EPHA5: variants seen among roughly 807,000 people sequenced by gnomAD.
EPHA5 encodes ephrin type-A receptor 5.
A neutral mutation model predicts 105.0 loss-of-function variants in EPHA5; 60 were observed. That is an observed-to-expected ratio of 0.57 (90% CI 0.46 to 0.71). The LOEUF (loss-of-function observed/expected upper bound fraction) is 0.71. Ranked by LOEUF, EPHA5 falls within the 30% of genes least tolerant of loss-of-function variation. The pLI is 0.00. For missense variants in EPHA5, 1,218 were observed against 1,274.7 expected, an observed-to-expected ratio of 0.96 and a Z score of 0.68; for synonymous variants, 513 against 449.1, an observed-to-expected ratio of 1.14 and a Z score of -1.80.
At chr4:65,543,879 T>C (rs1214370129) in intron 3 of EPHA5, among the ~76,000 whole-genome samples, 1 of 151,940 alleles carries the variant, frequency 6.6e-6, no homozygotes, top group Admixed American at 6.6e-5. Flanking sequence ...AACAGATATA[T>C]AGACTAGTGG....
At chr4:65,638,609 C>T (rs1289931647) in intron 2 of EPHA5, among the ~76,000 whole-genome samples, 1 of 152,078 alleles carries the variant, frequency 6.6e-6, no homozygotes, top group Non-Finnish European at 1.5e-5. Context: ...TGTGGTGGCA[C>T]ATGCCTGTAA....
At chr4:65,437,727 A>C (rs1725613876) in intron 5 of EPHA5, among the ~76,000 whole-genome samples, 1 of 151,960 alleles carries the variant, frequency 6.6e-6, no homozygotes, top group Non-Finnish European at 1.5e-5. Flanking sequence ...TGTAGTAAAA[A>C]TCAAGAATCC....
intron 3 of EPHA5, chr4:65,573,684 G>A (rs1431171638): frequency 1.9e-6 from 3 of 1,596,166 alleles, no homozygotes; most frequent in Non-Finnish European, 2.6e-6. Flanking sequence ...GTACTCAGCC[G>A]CTAAATCCAA....
intron 3 of EPHA5, 28 bp from the exon 4 acceptor site, chr4:65,495,571 T>C (rs1731847947): frequency 1.3e-6 from 2 of 1,590,762 alleles, no homozygotes; most frequent in Admixed American, 3.6e-5. Flanking sequence ...AGACTAAGCT[T>C]TTCCCTGGAA....
chr4:65,571,918 A>G (rs1221582794), intron 3 of EPHA5, among the ~76,000 whole-genome samples: 1 of 152,074 alleles, frequency 6.6e-6, no homozygotes, highest in African/African-American at 2.4e-5. Context: ...AACCTGTTAT[A>G]TACAGTTATA....
At chr4:65,478,974 C>T (rs1730095859) in intron 5 of EPHA5, among the ~76,000 whole-genome samples, 1 of 152,098 alleles carries the variant, frequency 6.6e-6, no homozygotes, top group Non-Finnish European at 1.5e-5. Context: ...TGGTCCTACA[C>T]ATTATTTTTT....
chr4:65,486,302 G>A (rs1730877484), intron 5 of EPHA5, among the ~76,000 whole-genome samples: 1 of 150,620 alleles, frequency 6.6e-6, no homozygotes, highest in Non-Finnish European at 1.5e-5. Context: ...TATGAAGAGG[G>A]TATTTAAGCC....
At position 65,348,081 on chromosome 4, in the gene EPHA5, T is replaced by A. The variant is rs2148841803; in HGVS notation, c.2568A>T (p.Arg856Ser). Residue 856 changes from arginine (R) to serine (S), a missense_variant, in exon 14 of 17, where the codon AGA becomes AGT. Arg to Ser is a moderately radical substitution (Grantham distance 110). This residue lies in a region of EPHA5 where 971 missense variants were observed against 1,013.5 expected (regional missense o/e 0.96). Transcript: ENST00000613740. ...VMWEVVSYGERPYWEMTNQDV... is the reference protein window; with the variant it reads ...VMWEVVSYGESPYWEMTNQDV... ...CTTGATTGGTCATCTCCCAGTAGGGTCTCTCTCCATAAGACACAACTTCCC... is the reference window on the plus strand; with the variant it reads ...CTTGATTGGTCATCTCCCAGTAGGGACTCTCTCCATAAGACACAACTTCCC... 2 of 1,608,484 alleles carry A rather than the reference T, an allele frequency of 1.2e-6. No homozygotes were observed. The highest frequency in any genetic ancestry group is 8.5e-7 in the Non-Finnish European group (1 of 1,177,508).
At chr4:65,369,811 A>G (rs563124831) in intron 8 of EPHA5, among the ~76,000 whole-genome samples, 1 of 152,184 alleles carries the variant, frequency 6.6e-6, no homozygotes, top group Non-Finnish European at 1.5e-5. Context: ...TACTAAAAAT[A>G]CAAAAATTAG....
intron 5 of EPHA5, among the ~76,000 whole-genome samples, chr4:65,439,896 T>A (rs904506474): frequency 3.9e-5 from 6 of 152,026 alleles, no homozygotes; most frequent in Admixed American, 1.3e-4. Flanking sequence ...CAAAAAAAAA[T>A]TTGTTTGCAT....
intron 8 of EPHA5, 117 bp downstream of exon 8, chr4:65,404,257 T>A: frequency 5.7e-6 from 4 of 701,340 alleles, no homozygotes; most frequent in Non-Finnish European, 9.9e-6. Context: ...ATTGAGATTA[T>A]CTGCTGATAT....
chr4:65,512,744 A>G (rs1377019443), intron 3 of EPHA5, among the ~76,000 whole-genome samples: 2 of 152,174 alleles, frequency 1.3e-5, no homozygotes, highest in Non-Finnish European at 2.9e-5. Context: ...CAGGTGTTAT[A>G]GAAGTGCCAG....
chr4:65,394,872 C>T (rs778182889), intron 8 of EPHA5, among the ~76,000 whole-genome samples: 3 of 151,972 alleles, frequency 2.0e-5, no homozygotes, highest in Non-Finnish European at 2.9e-5. Context: ...TACCATGTTA[C>T]TTCCATTAGG....
chr4:65,596,278 G>A (rs908166427), intron 3 of EPHA5, among the ~76,000 whole-genome samples: 2 of 152,048 alleles, frequency 1.3e-5, no homozygotes, highest in Non-Finnish European at 2.9e-5. Context: ...TGAATATTAG[G>A]CAATATCTAG....
At chr4:65,426,460 C>T (rs530366438) in intron 5 of EPHA5, among the ~76,000 whole-genome samples, 15 of 152,112 alleles carry the variant, frequency 9.9e-5, no homozygotes, top group African/African-American at 2.9e-4. Context: ...TATAATGGCA[C>T]TGCTTGAAAT....
At chr4:65,657,322 A>T (rs1232516392) in intron 1 of EPHA5, among the ~76,000 whole-genome samples, 1 of 152,144 alleles carries the variant, frequency 6.6e-6, no homozygotes, top group Non-Finnish European at 1.5e-5. Context: ...AAGGCAAAAA[A>T]AATTTATGTT....
At chr4:65,557,373 TA>T (rs1217215252) in intron 3 of EPHA5, among the ~76,000 whole-genome samples, 2 of 150,032 alleles carry the variant, frequency 1.3e-5, no homozygotes, top group Admixed American at 6.7e-5. Context: ...AAATTAAAGT[TA>T]GTTAAATACT....
At chr4:65,458,912 AT>A (rs1442920754) in intron 5 of EPHA5, among the ~76,000 whole-genome samples, 1 of 152,082 alleles carries the variant, frequency 6.6e-6, no homozygotes. Flanking sequence ...AAGTTAACAT[AT>A]TCATTAATAT....
At chr4:65,352,359 G>A (rs553174290) in intron 12 of EPHA5, among the ~76,000 whole-genome samples, 1 of 151,940 alleles carries the variant, frequency 6.6e-6, no homozygotes, top group Non-Finnish European at 1.5e-5. Flanking sequence ...ATGGTAATGA[G>A]CACTATATTA....
Sources: gnomAD v4.1 joint callset for allele counts (sites outside exome capture counted in the v4.1 genomes callset) on GRCh38, gnomAD v4.1.1 for gene constraint, gnomAD v4.1.1 regional missense constraint, MANE v1.5 for transcripts, NCBI Gene and HGNC (gene_info 2026-07-23, HGNC 2026-07-21) for gene names.